Variants in FRMPD3 observed in about 807,000 individuals in gnomAD.
FRMPD3 encodes the protein FERM and PDZ domain-containing protein 3.
In FRMPD3, 42 loss-of-function variants were observed where a neutral mutation model predicts 97.9. The ratio of observed to expected loss-of-function variants is 0.43; its 90% CI spans 0.34 to 0.55. The LOEUF (loss-of-function observed/expected upper bound fraction) is 0.55. Ranked by LOEUF, FRMPD3 falls within the 20% of genes least tolerant of loss-of-function variation. The pLI is 0.03. For synonymous variants in FRMPD3, 577 were observed against 581.1 expected, an observed-to-expected ratio of 0.99 and a Z score of 0.10; for missense variants, 1,303 against 1,457.7, an observed-to-expected ratio of 0.89 and a Z score of 1.73.
intron 1 of FRMPD3, among the ~76,000 whole-genome samples, chrX:107,521,527 A>C (rs1433823029): frequency 1.8e-5 from 2 of 112,649 alleles, no homozygotes; most frequent in African/African-American, 6.4e-5. Flanking sequence ...ACAAGCAAGT[A>C]CTCCTTTACA....
At chrX:107,572,978 G>A (rs762928401) in intron 12 of FRMPD3, among the ~76,000 whole-genome samples, 9 of 111,072 alleles carry the variant, frequency 8.1e-5, no homozygotes, top group Non-Finnish European at 1.1e-4. Context: ...GTGGATTCAA[G>A]TGGGTAGAAA....
chrX:107,460,128 G>A (rs1381623563), intron 1 of FRMPD3, among the ~76,000 whole-genome samples: 1 of 111,251 alleles, frequency 9.0e-6, no homozygotes, highest in Non-Finnish European at 1.9e-5. Flanking sequence ...ACTGACTAGG[G>A]TAGTTTGTAT....
Position 107,601,168 on chromosome X carries a change from C to T in FRMPD3, c.3129C>T (p.Asp1043=). The change falls in exon 15 of 15, where the codon GAC becomes GAT. Residue 1043 remains aspartate, a synonymous_variant. Coordinates refer to ENST00000683843, the MANE Select transcript of FRMPD3 (RefSeq NM_001388459.1). ...GAGCACCCACAGGCAGCCGGGCTGA[C>T]AGCCTGCACCTCTCCCAACAAGAGG... The part of the protein sequence containing the change: ...SPRAPTGSRA[D]SLHLSQQEDS... 5.0e-6 allele frequency: 6 copies of T among 1,210,477 alleles called. No homozygotes were observed. The highest frequency in any genetic ancestry group is 4.5e-6 in the Non-Finnish European group (4 of 895,139).
In FRMPD3 at chrX:107,526,626, A is replaced by T; in HGVS notation, c.38A>T (p.Gln13Leu). ...EESANDMECE[Q>L]LPAEILRQVT... is the part of the protein sequence containing the mutation. ...AGCGCAAATGATATGGAATGTGAGC[A>T]GCTGCCAGCAGAGATACTGCGACAA... The change falls in exon 2 of 15, where the codon CAG (glutamine) becomes CTG (leucine). Residue 13 changes from glutamine (Q) to leucine (L), a missense_variant. By Grantham distance (113) the Gln-to-Leu change is moderately radical. Coordinates refer to ENST00000683843, the MANE Select transcript of FRMPD3 (RefSeq NM_001388459.1). 1 of 1,206,867 alleles carries T rather than the reference A, an allele frequency of 8.3e-7. No homozygotes were observed. Among genetic ancestry groups the T allele is most frequent in the Non-Finnish European group, 1.1e-6 (1 of 893,972 alleles).
intron 1 of FRMPD3, among the ~76,000 whole-genome samples, chrX:107,518,352 T>C (rs1051421227): frequency 9.0e-6 from 1 of 111,243 alleles, no homozygotes; most frequent in Non-Finnish European, 1.9e-5. Context: ...GAATGGATGG[T>C]GTCGTAGAGA....
Position 107,601,036 on chromosome X carries a change from G to A in FRMPD3, c.2997G>A (p.Met999Ile), listed in dbSNP as rs374045884. The A allele has an allele frequency of 5.0e-6, 6 of 1,204,186 alleles. No individual in the cohort carries two copies. In the African/African-American group the frequency reaches 7.0e-5, roughly 14 times the overall value. Reference sequence around the variant, plus strand: ...TGGGGAGGCCAGAGGTTAGCATGATGAGCAGCAGTGCCAGTAAGAATCTGA... The same window carrying A: ...TGGGGAGGCCAGAGGTTAGCATGATAAGCAGCAGTGCCAGTAAGAATCTGA... ...ASMGRPEVSM[M>I]SSSASKNLKF... is the part of the protein sequence containing the mutation. Residue 999 changes from methionine (M) to isoleucine (I), a missense_variant, in exon 15 of 15, where the codon ATG becomes ATA. By Grantham distance (10) the Met-to-Ile change is conservative (BLOSUM62 1). Around this residue, in one of 3 missense-constraint regions of FRMPD3, gnomAD observed 764 missense variants for 820.2 expected, o/e 0.93. Transcript: ENST00000683843.
At position 107,572,904 on chromosome X, in the gene FRMPD3, ACT is replaced by A. The variant is rs1922951691; in HGVS notation, c.1297-3410_1297-3409del. On this transcript the variant is annotated intron_variant, in intron 12 of 14. Transcript: ENST00000683843. ...CACTACTACTACTACTACTACTACT[ACT>A]ACTAATAATAATAATAATAATAAAG... Among the ~76,000 whole-genome samples, 16 of 103,803 alleles carry A rather than the reference ACT, an allele frequency of 1.5e-4. No homozygotes were observed. In the East Asian group the frequency reaches 4.1e-3, roughly 27 times the overall value. The allele number at this position is 103,803 out of a possible 115,157, so 90.1% of individuals were successfully genotyped here. A position where few individuals can be genotyped will look rare whatever the true frequency, so the allele number is the denominator to read the frequency against.
chrX:107,484,403 C>G (rs1299345881), intron 1 of FRMPD3, among the ~76,000 whole-genome samples: 2 of 112,744 alleles, frequency 1.8e-5, no homozygotes, highest in African/African-American at 6.4e-5. Flanking sequence ...TGAGGACTAG[C>G]AAAAGCCCTT....
intron 13 of FRMPD3, among the ~76,000 whole-genome samples, chrX:107,593,497 A>G (rs1411414784): frequency 9.0e-6 from 1 of 111,549 alleles, no homozygotes; most frequent in Non-Finnish European, 1.9e-5. Flanking sequence ...GGGTTTTCCA[A>G]TGTTATCTTT....
intron 1 of FRMPD3, among the ~76,000 whole-genome samples, 190 bp downstream of exon 1, chrX:107,450,195 C>T (rs1931255330): frequency 9.0e-6 from 1 of 111,111 alleles, no homozygotes; most frequent in Admixed American, 9.3e-5. Flanking sequence ...GGGGTAACGG[C>T]CCGTTGCGTG....
chrX:107,588,215 G>A lies in FRMPD3; in HGVS notation c.1442-9106G>A, dbSNP rs377210730. On this transcript the variant is annotated intron_variant, in intron 13 of 14. Transcript: ENST00000683843. ...TCCTTCATTTTGACCTTGGAGAATC[G>A]GAGAATCTGATGATTATGTGTCTTG... 6.4e-5 allele frequency among the ~76,000 whole-genome samples: 7 copies of A among 109,965 alleles called. No individual in the cohort carries two copies. In the South Asian group the frequency reaches 1.2e-3, roughly 18 times the overall value.
At chrX:107,463,315 G>C (rs1931507418) in intron 1 of FRMPD3, among the ~76,000 whole-genome samples, 1 of 112,029 alleles carries the variant, frequency 8.9e-6, no homozygotes, top group Non-Finnish European at 1.9e-5. Context: ...GTTCATTGTA[G>C]TTTAATTGGC....
intron 1 of FRMPD3, among the ~76,000 whole-genome samples, chrX:107,456,924 G>A (rs1447175293): frequency 2.7e-5 from 3 of 112,113 alleles, no homozygotes; most frequent in Non-Finnish European, 5.6e-5. Flanking sequence ...ATTAAAACAA[G>A]ATCATTCTGG....
rs1369656552 is a variant in FRMPD3 at position 107,576,301 on chromosome X, C to T, written c.1297-14C>T. 8.3e-7 allele frequency: 1 copy of T among 1,206,168 alleles called. No homozygotes were observed. Among genetic ancestry groups the T allele is most frequent in the African/African-American group, 1.7e-5 (1 of 57,180 alleles). On this transcript the variant is annotated splice_polypyrimidine_tract_variant and intron_variant, in intron 12 of 14. Transcript: ENST00000683843. ...CTTCCCATGTCTTCATGTTTCTTCCCTTCTCTTCTGCAGCCTCTGGTGCTG... is the reference window on the plus strand; with the variant it reads ...CTTCCCATGTCTTCATGTTTCTTCCTTTCTCTTCTGCAGCCTCTGGTGCTG...
intron 1 of FRMPD3, among the ~76,000 whole-genome samples, chrX:107,517,657 A>C (rs940897757): frequency 9.2e-6 from 1 of 108,462 alleles, no homozygotes; most frequent in Non-Finnish European, 1.9e-5. Flanking sequence ...GCTACACAGG[A>C]GGCTTAGGCA....
At chrX:107,593,168 T>C (rs1019481839) in intron 13 of FRMPD3, among the ~76,000 whole-genome samples, 1 of 111,959 alleles carries the variant, frequency 8.9e-6, no homozygotes, top group African/African-American at 3.2e-5. Flanking sequence ...CATTTTTCCC[T>C]ATGCTCGGCC....
At chrX:107,593,879 A>C (rs1924030477) in intron 13 of FRMPD3, among the ~76,000 whole-genome samples, 1 of 110,005 alleles carries the variant, frequency 9.1e-6, no homozygotes, top group Admixed American at 9.6e-5. Context: ...GGTTCCATAT[A>C]AATTTTAGGA....
chrX:107,596,086 G>A (rs138521032), intron 13 of FRMPD3, among the ~76,000 whole-genome samples: 1,415 of 111,424 alleles, frequency 0.013, 10 homozygotes, highest in Non-Finnish European at 0.017. Flanking sequence ...TGCCAGTGCT[G>A]TACTTTTGTC....
chrX:107,598,219 C>T lies in FRMPD3; in HGVS notation c.2263+77C>T. On this transcript the variant is annotated intron_variant, in intron 14 of 14. Transcript: ENST00000683843. The stretch of plus-strand genomic sequence containing the variant: ...GGGCCAGTAGGTAACATTGTGTCTT[C>T]CCAAATAGGTGTCAGAGTCACTGAG... 4.5e-6 allele frequency: 4 copies of T among 884,222 alleles called. No individual in the cohort carries two copies. In the South Asian group the frequency reaches 7.3e-5, roughly 16 times the overall value. 72.9% of individuals were successfully genotyped at this position (884,222 alleles called of 1,213,427 possible).
Sources: allele counts gnomAD v4.1 joint callset (sites outside exome capture counted in the v4.1 genomes callset), GRCh38; gene constraint gnomAD v4.1.1; regional missense constraint gnomAD v4.1.1; transcripts MANE v1.5; gene names NCBI Gene and HGNC (gene_info 2026-07-23, HGNC 2026-07-21).